Variants in IL12RB1 observed in about 807,000 individuals in gnomAD.
IL12RB1 encodes the protein interleukin-12 receptor subunit beta-1.
In IL12RB1, 64 loss-of-function variants were observed where a neutral mutation model predicts 94.4. The ratio of observed to expected loss-of-function variants is 0.68; its 90% confidence interval spans 0.55 to 0.83. The LOEUF (loss-of-function observed/expected upper bound fraction) is 0.83, where lower values mean the gene tolerates loss of function less well. Ranked by LOEUF, IL12RB1 falls within the 40% of genes least tolerant of loss-of-function variation. The pLI is 0.00. For missense variants in IL12RB1, 814 were observed against 855.6 expected (o/e 0.95, Z 0.61); for synonymous variants, 362 against 355.5 (o/e 1.02, Z -0.21).
intron 5 of IL12RB1, among the ~76,000 whole-genome samples, 180 bp downstream of exon 5, chr19:18,077,336 T>G (rs1191322640): frequency 6.7e-6 from 1 of 149,572 alleles, no homozygotes; most frequent in African/African-American, 2.5e-5. Flanking sequence ...CACTCCAGCC[T>G]GGGCGACAGA....
rs1311666579 is a variant in IL12RB1, at chr19:18,076,280, A to G, written c.580+17T>C. ...ATTTGCTGCAGCTGTTGTTGTCATT[A>G]CTATTATTATTCTCACCAGTATCAT... On this transcript the variant is annotated intron_variant, in intron 6 of 16. Transcript: ENST00000593993. 2 of 1,263,298 alleles carry G rather than the reference A, an allele frequency of 1.6e-6. No individual in the cohort carries two copies. The highest frequency in any genetic ancestry group is 1.2e-5 in the South Asian group (1 of 84,080). The allele number at this position is 1,263,298 out of a possible 1,614,324, so 78.3% of individuals were successfully genotyped here. A position where few individuals can be genotyped will look rare whatever the true frequency, so the allele number is the denominator to read the frequency against.
Position 18,072,257 on chromosome 19 carries a change from C to T in IL12RB1, c.876G>A (p.Pro292=), listed in dbSNP as rs757032676. The T allele has an allele frequency of 6.2e-6, 10 of 1,614,096 alleles. No individual in the cohort carries two copies. Among genetic ancestry groups the T allele is most frequent in the South Asian group, 3.3e-5 (3 of 91,076 alleles). The change falls in exon 9 of 17, where the codon CCG becomes CCA. Residue 292 remains proline (P), a synonymous_variant. Transcript: ENST00000593993. ...GGGTCCTGGTGGCCTTGGCCTTACA[C>T]GGGCAGGACAGCATGTGGAGCTGTA... ...YRLQLHMLSC[P]CKAKATRTLH...
chr19:18,073,470 T>C, intron 8 of IL12RB1, 47 bp downstream of exon 8: 1 of 1,175,290 alleles, frequency 8.5e-7, no homozygotes, highest in East Asian at 2.3e-5. Context: ...TTTTGCCTCC[T>C]GCTCCCCATC....
intron 4 of IL12RB1, among the ~76,000 whole-genome samples, chr19:18,080,278 C>T (rs911032981): frequency 8.6e-5 from 13 of 151,984 alleles, no homozygotes; most frequent in Non-Finnish European, 1.3e-4. Context: ...CCTGCTCTGT[C>T]GCCAGGCAGG....
At chr19:18,072,077 GC>G in intron 9 of IL12RB1, 34 bp downstream of exon 9, 1 of 1,383,232 alleles carries the variant, frequency 7.2e-7, no homozygotes, top group Non-Finnish European at 1.0e-6. Context: ...GCTCTGAGGG[GC>G]CCTCATACCG....
At chr19:18,075,986 T>TG in intron 6 of IL12RB1, 118 bp from the exon 7 acceptor site, 1 of 1,012,154 alleles carries the variant, frequency 9.9e-7, no homozygotes, top group South Asian at 1.3e-5. Context: ...TGCTGGGTCC[T>TG]GGGGGCTCAG....
chr19:18,070,621 G>T, intron 9 of IL12RB1: 2 of 687,994 alleles, frequency 2.9e-6, no homozygotes, highest in Non-Finnish European at 3.6e-6. Flanking sequence ...AATGCTGAGA[G>T]CTTTACAGGC....
rs776875362 is a variant in IL12RB1 at position 18,059,932 on chromosome 19, CTG to C, written c.1943_1944del (p.Thr648ArgfsTer23). On this transcript the variant is annotated frameshift_variant, in exon 16 of 17. Coordinates refer to ENST00000593993, the MANE Select transcript of IL12RB1 (RefSeq NM_005535.3). LOFTEE classifies it low-confidence loss of function (END_TRUNC). The stretch of plus-strand genomic sequence containing the variant: ...CTGTCTCCATCCTCCAAGGACAACT[CTG>C]TATCCAGGGCCAGCTCAGGGGCACC... ...PEGAPELALDTELSLEDGDRC... is the reference protein window; with the variant it reads ...PEGAPELALDXELSLEDGDRC... 1 of 1,592,972 alleles carries C rather than the reference CTG, an allele frequency of 6.3e-7. No homozygotes were observed. The highest frequency in any genetic ancestry group is 8.6e-7 in the Non-Finnish European group (1 of 1,169,532).
chr19:18,073,548 T>C lies in IL12RB1; in HGVS notation c.752A>G (p.Asp251Gly). ...VRFSVEQLGQ[D>G]GRRRLTLKEQ... ...TTTCAGGGTCAGCCGCCTCCTCCCA[T>C]CCTGGCCCAGCTGCTCCACCGAGAA... The change falls in exon 8 of 17, where the codon GAT becomes GGT. Residue 251 changes from aspartate (D) to glycine (G), a missense_variant. Physicochemically the swap from Asp to Gly is moderately conservative, Grantham distance 94. Coordinates refer to ENST00000593993, the MANE Select transcript of IL12RB1 (RefSeq NM_005535.3). 1.2e-6 allele frequency: 2 copies of C among 1,612,764 alleles called. No individual in the cohort carries two copies. The highest frequency in any genetic ancestry group is 1.7e-6 in the Non-Finnish European group (2 of 1,179,012).
At chr19:18,078,036 G>A (rs1376117350) in intron 4 of IL12RB1, among the ~76,000 whole-genome samples, 5 of 152,128 alleles carry the variant, frequency 3.3e-5, no homozygotes, top group African/African-American at 1.2e-4. Flanking sequence ...TTGAGCCTAG[G>A]AGGCTGAGGC....
rs1045683982 is a variant in IL12RB1 at position 18,077,408 on chromosome 19, G to C, written c.549+108C>G. ...AAAAAACCACCTCAGGGGCTAGAGTGGGGGCTGGTTGGGAGCGGGGACAGA... is the reference window on the plus strand; with the variant it reads ...AAAAAACCACCTCAGGGGCTAGAGTCGGGGCTGGTTGGGAGCGGGGACAGA... On this transcript the variant is annotated intron_variant, in intron 5 of 16. Coordinates refer to ENST00000593993, the MANE Select transcript of IL12RB1 (RefSeq NM_005535.3). 5.9e-6 allele frequency: 5 copies of C among 842,892 alleles called. No individual in the cohort carries two copies. The East Asian group carries it at 1.1e-4, about 18-fold the overall frequency. The allele number at this position is 842,892 out of a possible 1,614,324, so 52.2% of individuals were successfully genotyped here.
chr19:18,080,798 T>C, intron 4 of IL12RB1, 34 bp downstream of exon 4: 10 of 1,501,466 alleles, frequency 6.7e-6, no homozygotes, highest in Non-Finnish European at 9.3e-6. Flanking sequence ...CCTCTCTGGG[T>C]AAAAAACGGA....
chr19:18,082,071 G>A (rs1304772732), intron 3 of IL12RB1, 79 bp downstream of exon 3: 5 of 846,300 alleles, frequency 5.9e-6, no homozygotes, highest in South Asian at 1.4e-5. Context: ...TCACGCATCC[G>A]AGAGTAGGGG....
At position 18,060,212 on chromosome 19, in the gene IL12RB1, C is replaced by T. The variant is rs562570370; in HGVS notation, c.1792-127G>A. ...CCTGAGACCTGGACGGGTGCAGTGG[C>T]TCACACCTGTCATCCCAGCACTTTG... is the stretch of plus-strand genomic sequence containing the variant. On this transcript the variant is annotated intron_variant, in intron 15 of 16. Transcript: ENST00000593993. 37 of 618,884 alleles carry T rather than the reference C, an allele frequency of 6.0e-5. No individual in the cohort carries two copies. In the East Asian group the frequency reaches 9.9e-4, roughly 17 times the overall value. The allele number at this position is 618,884 out of a possible 1,614,324, so 38.3% of individuals were successfully genotyped here.
chr19:18,077,352 G>T (rs1165176420), intron 5 of IL12RB1, among the ~76,000 whole-genome samples, 164 bp downstream of exon 5: 3 of 151,332 alleles, frequency 2.0e-5, no homozygotes, highest in African/African-American at 7.3e-5. Context: ...ACAGAGCAAG[G>T]CTCCGTCTCA....
intron 2 of IL12RB1, among the ~76,000 whole-genome samples, chr19:18,082,478 CCT>C (rs939232990): frequency 6.6e-6 from 1 of 152,138 alleles, no homozygotes; most frequent in Non-Finnish European, 1.5e-5. Context: ...TGTCCTGCCA[CCT>C]CTCTCTCTAT....
At chr19:18,075,316 A>G (rs2035385724) in intron 7 of IL12RB1, among the ~76,000 whole-genome samples, 1 of 145,714 alleles carries the variant, frequency 6.9e-6, no homozygotes, top group African/African-American at 2.6e-5. Flanking sequence ...GCTGGAGTGC[A>G]GTGGTGTGAT....
At chr19:18,075,301 C>T (rs1487806272) in intron 7 of IL12RB1, among the ~76,000 whole-genome samples, 1 of 149,466 alleles carries the variant, frequency 6.7e-6, no homozygotes, top group East Asian at 2.0e-4. Flanking sequence ...GGCCCTGTCA[C>T]CCAGGCTGGA....
At chr19:18,088,073 C>T (rs1202992166), upstream of IL12RB1, among the ~76,000 whole-genome samples, 1 of 151,926 alleles carries the variant, frequency 6.6e-6, no homozygotes, top group Non-Finnish European at 1.5e-5. Context: ...AACAACATAG[C>T]AAGACCCCAT....
Sources: gnomAD v4.1 joint callset for allele counts (sites outside exome capture counted in the v4.1 genomes callset) on GRCh38, gnomAD v4.1.1 for gene constraint, MANE v1.5 for transcripts, NCBI Gene and HGNC (gene_info 2026-07-23, HGNC 2026-07-21) for gene names.